The following ASIC2 variants were observed in gnomAD, a reference collection of about 807,000 sequenced individuals.
The protein encoded by ASIC2 is acid-sensing ion channel 2.
In ASIC2, 25 loss-of-function variants were observed where a neutral mutation model predicts 57.3. That is an observed-to-expected ratio of 0.44 (90% CI 0.32 to 0.61). The LOEUF (loss-of-function observed/expected upper bound fraction) is 0.61, where lower values mean the gene tolerates loss of function less well. ASIC2 is among the 20% of genes least tolerant of loss of function. The pLI is 0.06. For synonymous variants in ASIC2, 319 were observed against 307.5 expected (o/e 1.04, Z -0.39); for missense variants, 641 against 738.1 (o/e 0.87, Z 1.52).
intron 1 of ASIC2, chr17:33,932,812 A>T (rs1369091608): frequency 6.8e-6 from 1 of 148,090 alleles, no homozygotes; most frequent in Non-Finnish European, 1.5e-5. Flanking sequence ...TGGTCACTGG[A>T]AACTTTAAAA....
intron 1 of ASIC2, among the ~76,000 whole-genome samples, chr17:33,861,628 G>A (rs1181042337): frequency 6.6e-6 from 1 of 152,208 alleles, no homozygotes; most frequent in African/African-American, 2.4e-5. Context: ...ACTTTGAACA[G>A]CCTACCTCTT....
At chr17:33,998,954 A>G (rs1402427043) in intron 1 of ASIC2, among the ~76,000 whole-genome samples, 1 of 152,066 alleles carries the variant, frequency 6.6e-6, no homozygotes, top group Non-Finnish European at 1.5e-5. Context: ...CCATTTTTGA[A>G]AGTGGGATAT....
Position 33,292,371 on chromosome 17 carries a change from C to T in ASIC2, c.-256G>A, listed in dbSNP as rs868519243. On this transcript the variant is annotated 5_prime_UTR_variant, in exon 1 of 10. Transcript: ENST00000225823. ...GGCAGTGGCCTCTCCCGAGCGCCTC[C>T]CAGGCTTTCCCGGCCCCTGGTCTTC... 84 of 985,992 alleles carry T rather than the reference C, an allele frequency of 8.5e-5. No individual in the cohort carries two copies. Among genetic ancestry groups the T allele is most frequent in the Middle Eastern group, 5.1e-4 (1 of 1,942 alleles). 61.1% of individuals were successfully genotyped at this position (985,992 alleles called of 1,614,324 possible).
chr17:33,339,185 G>A (rs1287296635), intron 1 of ASIC2, among the ~76,000 whole-genome samples: 1 of 152,154 alleles, frequency 6.6e-6, no homozygotes, highest in African/African-American at 2.4e-5. Context: ...TGGAGCACAG[G>A]GTGTTGGGGA....
At chr17:34,151,774 G>A (rs1904535101) in intron 1 of ASIC2, among the ~76,000 whole-genome samples, 1 of 152,162 alleles carries the variant, frequency 6.6e-6, no homozygotes, top group South Asian at 2.1e-4. Flanking sequence ...GGGACACTAA[G>A]CAAAGCAAGA....
intron 1 of ASIC2, among the ~76,000 whole-genome samples, chr17:33,651,961 G>C (rs967153071): frequency 1.3e-5 from 2 of 152,190 alleles, no homozygotes; most frequent in African/African-American, 4.8e-5. Context: ...ATCCCGCTGT[G>C]GTGTGGCAGG....
intron 1 of ASIC2, among the ~76,000 whole-genome samples, chr17:33,349,075 A>C (rs1315119527): frequency 6.6e-6 from 1 of 152,156 alleles, no homozygotes; most frequent in African/African-American, 2.4e-5. Flanking sequence ...TGATCTATGG[A>C]CCACACTTTG....
At chr17:33,322,852 T>G (rs1248877160) in intron 1 of ASIC2, among the ~76,000 whole-genome samples, 1 of 152,032 alleles carries the variant, frequency 6.6e-6, no homozygotes, top group Non-Finnish European at 1.5e-5. Flanking sequence ...AATAGCATCA[T>G]GAAAGATGAG....
chr17:33,708,974 G>A (rs184463670), intron 1 of ASIC2, among the ~76,000 whole-genome samples: 1 of 152,230 alleles, frequency 6.6e-6, no homozygotes, highest in East Asian at 1.9e-4. Context: ...TCTAAAATGA[G>A]GAAAAGAAGG....
At chr17:33,910,656 G>A (rs1207532794) in intron 1 of ASIC2, among the ~76,000 whole-genome samples, 2 of 152,102 alleles carry the variant, frequency 1.3e-5, no homozygotes, top group Admixed American at 6.5e-5. Context: ...ATTCATCACT[G>A]CCTGTCTAGT....
chr17:33,683,806 T>C (rs1239050984), intron 1 of ASIC2, among the ~76,000 whole-genome samples: 4 of 152,188 alleles, frequency 2.6e-5, no homozygotes, highest in African/African-American at 9.7e-5. Context: ...AGATTACCAC[T>C]GTGCCCCGTC....
intron 1 of ASIC2, among the ~76,000 whole-genome samples, chr17:33,642,899 C>T (rs756327939): frequency 9.9e-5 from 15 of 152,144 alleles, no homozygotes; most frequent in Non-Finnish European, 2.2e-4. Context: ...TCCCAAGGGC[C>T]AGGTCACAGG....
intron 1 of ASIC2, among the ~76,000 whole-genome samples, chr17:33,195,808 G>A (rs1370039454): frequency 6.6e-6 from 1 of 152,160 alleles, no homozygotes; most frequent in Non-Finnish European, 1.5e-5. Context: ...TCTACCTCCA[G>A]AATGACTGCC....
intron 1 of ASIC2, among the ~76,000 whole-genome samples, chr17:33,408,329 C>T (rs1262692526): frequency 6.6e-6 from 1 of 152,152 alleles, no homozygotes; most frequent in African/African-American, 2.4e-5. Context: ...AACAGGAAGA[C>T]TTGGTTCTGT....
intron 1 of ASIC2, among the ~76,000 whole-genome samples, chr17:33,312,585 T>C (rs1906475910): frequency 6.6e-6 from 1 of 152,186 alleles, no homozygotes; most frequent in Non-Finnish European, 1.5e-5. Context: ...CGGCAAGGGC[T>C]GCACCTACTT....
intron 1 of ASIC2, among the ~76,000 whole-genome samples, chr17:33,889,092 G>A (rs1344221266): frequency 6.6e-6 from 1 of 152,154 alleles, no homozygotes. Flanking sequence ...CTAGGAGCCT[G>A]TTCAGTTTAT....
chr17:33,841,122 G>A (rs2141908219), intron 1 of ASIC2, among the ~76,000 whole-genome samples: 1 of 152,276 alleles, frequency 6.6e-6, no homozygotes, highest in Middle Eastern at 3.4e-3. Context: ...AGCTGTTCTG[G>A]TTTACCTGAG....
At chr17:33,965,613 G>T (rs1285966562) in intron 1 of ASIC2, among the ~76,000 whole-genome samples, 1 of 152,156 alleles carries the variant, frequency 6.6e-6, no homozygotes, top group Non-Finnish European at 1.5e-5. Flanking sequence ...TCCCTTGCTC[G>T]TGAAATAGGT....
At chr17:34,106,260 C>T (rs893666216) in intron 1 of ASIC2, among the ~76,000 whole-genome samples, 1 of 152,106 alleles carries the variant, frequency 6.6e-6, no homozygotes, top group African/African-American at 2.4e-5. Flanking sequence ...ATCATTTGTT[C>T]AAGGTGTTGC....
Sources: gnomAD v4.1 joint callset for allele counts (sites outside exome capture counted in the v4.1 genomes callset) on GRCh38, gnomAD v4.1.1 for gene constraint, MANE v1.5 for transcripts, NCBI Gene and HGNC (gene_info 2026-07-23, HGNC 2026-07-21) for gene names.